INTS9: variants seen among roughly 807,000 people sequenced by gnomAD.
The protein encoded by INTS9 is protein related to CPSF subunits of 74 kDa.
In INTS9, 55 loss-of-function variants were observed where a neutral mutation model predicts 79.7. The observed-to-expected ratio is 0.69, with a 90% CI of 0.56 to 0.86. The LOEUF is 0.86. INTS9 is among the 40% of genes least tolerant of loss of function. INTS9 has a pLI of 0.00. For missense variants in INTS9, 721 were observed against 831.5 expected, an observed-to-expected ratio of 0.87 and a Z score of 1.64; for synonymous variants, 319 against 325.2, an observed-to-expected ratio of 0.98 and a Z score of 0.20.
rs557295921 is a variant in INTS9 at position 28,796,669 on chromosome 8, C to T, written c.745-14G>A. The T allele has an allele frequency of 5.2e-5, 78 of 1,494,682 alleles. No homozygotes were observed. The South Asian group carries it at 7.8e-4, about 15-fold the overall frequency. The allele number at this position is 1,494,682 out of a possible 1,614,324, so 92.6% of individuals were successfully genotyped here. On this transcript the variant is annotated splice_polypyrimidine_tract_variant and intron_variant, in intron 8 of 16. Coordinates refer to ENST00000521022, the MANE Select transcript of INTS9 (RefSeq NM_018250.4). ...TTGGTCCATGGGCTGAAAAAGAACA[C>T]AGAAATATGGTTAGTAATTTTAAAA... is the stretch of plus-strand genomic sequence containing the variant.
chr8:28,836,346 C>A (rs1337564237), intron 5 of INTS9, among the ~76,000 whole-genome samples: 1 of 152,112 alleles, frequency 6.6e-6, no homozygotes, highest in East Asian at 1.9e-4. Flanking sequence ...GGACAGAGAA[C>A]TGCGGGAATT....
At chr8:28,889,708 C>A in intron 1 of INTS9, 166 bp downstream of exon 1, 1 of 684,596 alleles carries the variant, frequency 1.5e-6, no homozygotes, top group Non-Finnish European at 2.5e-6. Context: ...AGAGGGAATT[C>A]AAACCTTCTC....
At chr8:28,844,054 T>C (rs569382288) in intron 4 of INTS9, among the ~76,000 whole-genome samples, 2 of 152,292 alleles carry the variant, frequency 1.3e-5, no homozygotes, top group Admixed American at 6.5e-5. Context: ...TGGAGATGAC[T>C]GGCATCACAT....
At chr8:28,800,174 T>A (rs752721972) in intron 8 of INTS9, among the ~76,000 whole-genome samples, 1 of 152,188 alleles carries the variant, frequency 6.6e-6, no homozygotes, top group Non-Finnish European at 1.5e-5. Context: ...ATGCCTGGCA[T>A]ACAGCATTTA....
At chr8:28,886,478 C>T (rs1041777290) in intron 1 of INTS9, among the ~76,000 whole-genome samples, 1 of 152,186 alleles carries the variant, frequency 6.6e-6, no homozygotes. Context: ...AACTCCTGAT[C>T]TCAAGCCATC....
At chr8:28,847,419 C>G (rs1282778232) in intron 3 of INTS9, among the ~76,000 whole-genome samples, 1 of 151,908 alleles carries the variant, frequency 6.6e-6, no homozygotes, top group Non-Finnish European at 1.5e-5. Context: ...ACCACCATCA[C>G]CACCTCCTCC....
At chr8:28,797,266 C>T (rs1406615824) in intron 8 of INTS9, among the ~76,000 whole-genome samples, 1 of 152,144 alleles carries the variant, frequency 6.6e-6, no homozygotes, top group Non-Finnish European at 1.5e-5. Context: ...AATAAGCATA[C>T]ACTATCGGAA....
chr8:28,878,202 T>C (rs1054478633), intron 1 of INTS9, among the ~76,000 whole-genome samples: 6 of 152,158 alleles, frequency 3.9e-5, no homozygotes, highest in African/African-American at 1.2e-4. Context: ...ATGAAAACTA[T>C]ATACATGTAC....
chr8:28,771,678 C>T (rs558449154), intron 14 of INTS9, among the ~76,000 whole-genome samples: 232 of 152,332 alleles, frequency 1.5e-3, no homozygotes, highest in Non-Finnish European at 2.8e-3. Context: ...AATAAGAAAA[C>T]GGCCTATGGC....
intron 1 of INTS9, among the ~76,000 whole-genome samples, chr8:28,866,972 AAAAAG>A (rs1283936327): frequency 1.3e-5 from 2 of 149,564 alleles, no homozygotes; most frequent in African/African-American, 5.0e-5. Context: ...GAAACTGTCA[AAAAAG>A]AAAAGAAAAA....
At chr8:28,878,605 A>G (rs1809519973) in intron 1 of INTS9, among the ~76,000 whole-genome samples, 1 of 150,688 alleles carries the variant, frequency 6.6e-6, no homozygotes, top group South Asian at 2.1e-4. Flanking sequence ...TATAGGTGTC[A>G]GCCACTGTGC....
chr8:28,827,950 T>C (rs2131136237), intron 6 of INTS9, among the ~76,000 whole-genome samples: 2 of 152,304 alleles, frequency 1.3e-5, no homozygotes, highest in South Asian at 4.1e-4. Context: ...CTCAACATCC[T>C]GGGAGTCTGG....
At chr8:28,882,908 C>T (rs1809974790) in intron 1 of INTS9, among the ~76,000 whole-genome samples, 1 of 152,166 alleles carries the variant, frequency 6.6e-6, no homozygotes, top group Non-Finnish European at 1.5e-5. Context: ...CAGTAAAGTT[C>T]CCACCACACA....
chr8:28,834,957 G>T (rs1190590061), intron 6 of INTS9, among the ~76,000 whole-genome samples: 1 of 152,162 alleles, frequency 6.6e-6, no homozygotes, highest in African/African-American at 2.4e-5. Context: ...GATTACAGGC[G>T]TGAGTCACCG....
At chr8:28,825,983 GA>G (rs1806119303) in intron 6 of INTS9, among the ~76,000 whole-genome samples, 1 of 152,174 alleles carries the variant, frequency 6.6e-6, no homozygotes, top group Non-Finnish European at 1.5e-5. Flanking sequence ...AATGATGACA[GA>G]AACATCAGTA....
intron 6 of INTS9, among the ~76,000 whole-genome samples, chr8:28,825,525 C>CT (rs1418832504): frequency 1.3e-5 from 2 of 152,208 alleles, no homozygotes; most frequent in African/African-American, 2.4e-5. Context: ...ACCACGTGGG[C>CT]TTTCCTTCCT....
chr8:28,785,839 C>A (rs1023364310), intron 11 of INTS9, among the ~76,000 whole-genome samples: 3 of 152,130 alleles, frequency 2.0e-5, no homozygotes, highest in African/African-American at 7.2e-5. Context: ...CACACCAATA[C>A]CATCAATTCT....
intron 1 of INTS9, among the ~76,000 whole-genome samples, chr8:28,870,166 T>A (rs1410241034): frequency 6.6e-6 from 1 of 151,854 alleles, no homozygotes; most frequent in Non-Finnish European, 1.5e-5. Flanking sequence ...GTTTGTTACA[T>A]ATATATATAT....
chr8:28,784,286 C>T (rs560018337), intron 11 of INTS9, among the ~76,000 whole-genome samples: 1 of 152,366 alleles, frequency 6.6e-6, no homozygotes, highest in African/African-American at 2.4e-5. Context: ...TGTGATCACA[C>T]TCCTAGAAAA....
Sources: allele counts gnomAD v4.1 joint callset (sites outside exome capture counted in the v4.1 genomes callset), GRCh38; gene constraint gnomAD v4.1.1; transcripts MANE v1.5; gene names NCBI Gene and HGNC (gene_info 2026-07-23, HGNC 2026-07-21).